Variants in GTF3C1 observed in about 807,000 individuals in gnomAD.
GTF3C1 encodes general transcription factor IIIC subunit 1, also known as general transcription factor 3C polypeptide 1.
GTF3C1 carries 57 observed loss-of-function variants against 226.7 expected under a neutral mutation model. That is an observed-to-expected ratio of 0.25 (90% CI 0.20 to 0.31). GTF3C1 has a LOEUF of 0.31. Among genes scored for constraint, GTF3C1 ranks in the 10% least tolerant of loss-of-function variants. The pLI, the probability that GTF3C1 is intolerant of heterozygous loss-of-function variation, is 1.00. For synonymous variants in GTF3C1, 1,090 were observed against 1,084.8 expected (o/e 1.00, Z -0.09); for missense variants, 2,217 against 2,776.1 (o/e 0.80, Z 4.53).
At chr16:27,536,087 C>T (rs796413148) in intron 4 of GTF3C1, among the ~76,000 whole-genome samples, 4 of 152,346 alleles carry the variant, frequency 2.6e-5, no homozygotes, top group African/African-American at 9.6e-5. Flanking sequence ...ATCTTGTTAA[C>T]AGACAATGTA....
At chr16:27,500,763 A>C (rs973291657) in intron 12 of GTF3C1, among the ~76,000 whole-genome samples, 2 of 152,240 alleles carry the variant, frequency 1.3e-5, no homozygotes, top group Non-Finnish European at 2.9e-5. Context: ...TACTGCTCCC[A>C]TCGGATAACC....
At chr16:27,509,174 T>C (rs1356894096) in intron 7 of GTF3C1, among the ~76,000 whole-genome samples, 1 of 152,192 alleles carries the variant, frequency 6.6e-6, no homozygotes, top group Non-Finnish European at 1.5e-5. Context: ...AGCGAGGACT[T>C]TGAAAGGAAA....
chr16:27,532,297 T>A (rs2088928300), intron 5 of GTF3C1, among the ~76,000 whole-genome samples: 1 of 152,224 alleles, frequency 6.6e-6, no homozygotes, highest in African/African-American at 2.4e-5. Context: ...CTGTGAACAA[T>A]GAAATCAGAG....
At position 27,464,577 on chromosome 16, in the gene GTF3C1, T is replaced by C; in HGVS notation, c.5615A>G (p.Glu1872Gly). 1 of 1,487,478 alleles carries C rather than the reference T, an allele frequency of 6.7e-7. No individual in the cohort carries two copies. The highest frequency in any genetic ancestry group is 8.9e-7 in the Non-Finnish European group (1 of 1,117,738). The allele number at this position is 1,487,478 out of a possible 1,614,324, so 92.1% of individuals were successfully genotyped here. The stretch of plus-strand genomic sequence containing the variant: ...CATCTGGGTGCCCTCGGCGTCGGTC[T>C]CCCCATTCTCACTGGCCCAGCTGGC... ...RRASWASENG[E>G]TDAEGTQMTP... The change falls in exon 34 of 37, where the codon GAG becomes GGG. Residue 1872 changes from glutamate (E) to glycine (G), a missense_variant. Physicochemically the swap from Glu to Gly is moderately conservative, Grantham distance 98. This residue lies in a region of GTF3C1 where 455 missense variants were observed against 441.9 expected (regional missense o/e 1.03). Transcript: ENST00000356183.
chr16:27,463,673 T>G lies in GTF3C1; in HGVS notation c.5873-81A>C. The G allele has an allele frequency of 4.9e-6, 4 of 812,034 alleles. No homozygotes were observed. Among genetic ancestry groups the G allele is most frequent in the Middle Eastern group, 2.2e-4 (1 of 4,498 alleles). 50.3% of individuals were successfully genotyped at this position (812,034 alleles called of 1,614,324 possible). On this transcript the variant is annotated intron_variant, in intron 34 of 36. Coordinates refer to ENST00000356183, the MANE Select transcript of GTF3C1 (RefSeq NM_001520.4). This position sits in a 1 kb window ranked among gnomAD's most constrained non-coding sequence, Gnocchi z 4.9. The stretch of plus-strand genomic sequence containing the variant: ...GCCCTCCAACCTTCAGCATGGTACC[T>G]AGCATGAGCAGGGCACCTCGAGGCT...
intron 5 of GTF3C1, among the ~76,000 whole-genome samples, chr16:27,532,627 T>G (rs2088935246): frequency 6.6e-6 from 1 of 152,194 alleles, no homozygotes. Context: ...CCTTCCTCCC[T>G]GCGTCCTCTC....
chr16:27,486,091 A>AG lies in GTF3C1; in HGVS notation c.3763dup (p.Leu1255ProfsTer52). 1 of 1,607,424 alleles carries AG rather than the reference A, an allele frequency of 6.2e-7. No homozygotes were observed. The highest frequency in any genetic ancestry group is 8.5e-7 in the Non-Finnish European group (1 of 1,173,998). ...GACACGAAGCCGCGTCATCCGCTGC[A>AG]GGGCACTCTGGTCGGCTTCATCATG... is the stretch of plus-strand genomic sequence containing the variant. On this transcript the variant is annotated frameshift_variant, in exon 24 of 37. Transcript: ENST00000356183. LOFTEE classifies it high-confidence loss of function.
chr16:27,471,937 C>A lies in GTF3C1; in HGVS notation c.4354-17G>T. ...GCGGAAAGTCTGCAACACAGGGCGGCGAGGGTGAGTAGGGTTCTCCAGCCG... is the reference window on the plus strand; with the variant it reads ...GCGGAAAGTCTGCAACACAGGGCGGAGAGGGTGAGTAGGGTTCTCCAGCCG... On this transcript the variant is annotated splice_polypyrimidine_tract_variant and intron_variant, in intron 29 of 36. Coordinates refer to ENST00000356183, the MANE Select transcript of GTF3C1 (RefSeq NM_001520.4). The surrounding 1 kb of genome is among the most constrained non-coding windows in gnomAD (Gnocchi z 5.0). 6.2e-7 allele frequency: 1 copy of A among 1,612,786 alleles called. No individual in the cohort carries two copies. The highest frequency in any genetic ancestry group is 8.5e-7 in the Non-Finnish European group (1 of 1,179,100).
chr16:27,464,593 C>T lies in GTF3C1; in HGVS notation c.5599G>A (p.Ala1867Thr), dbSNP rs1451139969. Residue 1867 changes from alanine (A) to threonine (T), a missense_variant, in exon 34 of 37, where the codon GCC (alanine) becomes ACC (threonine). Ala to Thr is a moderately conservative substitution (Grantham distance 58). Around this residue, in one of 12 missense-constraint regions of GTF3C1, gnomAD observed 455 missense variants for 441.9 expected, o/e 1.03. Coordinates refer to ENST00000356183, the MANE Select transcript of GTF3C1 (RefSeq NM_001520.4). ...PRGTKRRASW[A>T]SENGETDAEG... is the part of the protein sequence containing the mutation. ...GCGTCGGTCTCCCCATTCTCACTGG[C>T]CCAGCTGGCGCGCCTCTTGGTGCCC... 9 of 1,493,062 alleles carry T rather than the reference C, an allele frequency of 6.0e-6. No homozygotes were observed. In the Middle Eastern group the frequency reaches 5.4e-4, roughly 90 times the overall value. 92.5% of individuals were successfully genotyped at this position (1,493,062 alleles called of 1,614,324 possible).
At chr16:27,479,835 T>C (rs923666260) in intron 27 of GTF3C1, among the ~76,000 whole-genome samples, 8 of 152,184 alleles carry the variant, frequency 5.3e-5, no homozygotes, top group Admixed American at 5.2e-4. Flanking sequence ...ATTAAACTGT[T>C]ACACTTGCAA....
Position 27,492,767 on chromosome 16 carries a change from G to A in GTF3C1, c.2877-54C>T, listed in dbSNP as rs559757318. 3.7e-5 allele frequency: 36 copies of A among 965,562 alleles called. No individual in the cohort carries two copies. Among genetic ancestry groups the A allele is most frequent in the South Asian group, 1.3e-4 (10 of 78,236 alleles). 59.8% of individuals were successfully genotyped at this position (965,562 alleles called of 1,614,324 possible). On this transcript the variant is annotated intron_variant, in intron 17 of 36. Coordinates refer to ENST00000356183, the MANE Select transcript of GTF3C1 (RefSeq NM_001520.4). This position sits in a 1 kb window ranked among gnomAD's most constrained non-coding sequence, Gnocchi z 5.0. The stretch of plus-strand genomic sequence containing the variant: ...CATCACACCACACTCGCAGCCGGCC[G>A]CAGGGGTCTGCATGTGGGGTGAGGG...
intron 1 of GTF3C1, among the ~76,000 whole-genome samples, chr16:27,549,006 T>G (rs2089220280): frequency 6.6e-6 from 1 of 152,100 alleles, no homozygotes; most frequent in African/African-American, 2.4e-5. Context: ...ATGCAAAAAT[T>G]AGCCGGGCGT....
intron 6 of GTF3C1, among the ~76,000 whole-genome samples, chr16:27,519,971 C>T (rs1415303421): frequency 6.6e-6 from 1 of 152,156 alleles, no homozygotes; most frequent in Non-Finnish European, 1.5e-5. Context: ...AAAAAATTAG[C>T]TGGTGTGGTG....
At chr16:27,498,936 G>A (rs2088363179) in intron 12 of GTF3C1, among the ~76,000 whole-genome samples, 2 of 152,206 alleles carry the variant, frequency 1.3e-5, no homozygotes, top group African/African-American at 2.4e-5. Flanking sequence ...GTGACCAAGC[G>A]ATCAGGCTCT....
chr16:27,472,323 G>A (rs1308348526), intron 29 of GTF3C1, among the ~76,000 whole-genome samples: 15 of 152,178 alleles, frequency 9.9e-5, no homozygotes, highest in Admixed American at 7.2e-4. Flanking sequence ...ACCTTCCAAT[G>A]CATCGGGTTC....
At chr16:27,508,039 C>T (rs2088514091) in intron 8 of GTF3C1, among the ~76,000 whole-genome samples, 1 of 152,238 alleles carries the variant, frequency 6.6e-6, no homozygotes, top group Non-Finnish European at 1.5e-5. Context: ...GATGGAGTTT[C>T]ACTCTTGTTG....
chr16:27,497,710 T>C lies in GTF3C1; in HGVS notation c.2277A>G (p.Ser759=), dbSNP rs1392612610. ...CACTTTTTTTCATCCGTCCACTTTC[T>C]GATCTAGAGGAAGCACTCAGCTGAG... ...GDSQLSASSR[S]ESGRMKKSDN... is the part of the protein sequence containing the mutation. Residue 759 remains serine, a synonymous_variant, in exon 14 of 37, where the codon TCA becomes TCG. Coordinates refer to ENST00000356183, the MANE Select transcript of GTF3C1 (RefSeq NM_001520.4). The C allele has an allele frequency of 6.2e-7, 1 of 1,614,030 alleles. No homozygotes were observed. The highest frequency in any genetic ancestry group is 8.5e-7 in the Non-Finnish European group (1 of 1,179,960).
chr16:27,474,740 C>A (rs2087927651), intron 29 of GTF3C1, among the ~76,000 whole-genome samples: 1 of 152,134 alleles, frequency 6.6e-6, no homozygotes, highest in Non-Finnish European at 1.5e-5. Flanking sequence ...GCTGGGGTGG[C>A]AGAGGGCGCA....
At chr16:27,514,209 A>T (rs1243178731) in intron 6 of GTF3C1, among the ~76,000 whole-genome samples, 2 of 152,200 alleles carry the variant, frequency 1.3e-5, no homozygotes, top group Admixed American at 6.5e-5. Context: ...GAGGCAATCT[A>T]AGGCCCCGGC....
Sources: gnomAD v4.1 joint callset for allele counts (sites outside exome capture counted in the v4.1 genomes callset) on GRCh38, gnomAD v4.1.1 for gene constraint, gnomAD v4.1.1 regional missense constraint, Gnocchi (gnomAD v3.1) non-coding constraint, MANE v1.5 for transcripts, NCBI Gene and HGNC (gene_info 2026-07-23, HGNC 2026-07-21) for gene names.